EYS: variants seen among roughly 807,000 people sequenced by gnomAD.
EYS encodes the protein protein eyes shut homolog.
Under a neutral mutation model 282.1 loss-of-function variants are expected in EYS, and 250 were observed. The ratio of observed to expected loss-of-function variants is 0.89; its 90% CI spans 0.80 to 0.98. The LOEUF (loss-of-function observed/expected upper bound fraction) is 0.98. EYS is among the 50% of genes least tolerant of loss of function. The probability of loss-of-function intolerance (pLI) is 0.00; values close to 1 mark genes in which losing one functional copy is unlikely to be tolerated. For missense variants in EYS, 4,016 were observed against 3,709.0 expected, an observed-to-expected ratio of 1.08 and a Z score of -2.15; for synonymous variants, 1,355 against 1,282.9, an observed-to-expected ratio of 1.06 and a Z score of -1.20.
At chr6:64,153,992 A>T (rs1236819891) in intron 31 of EYS, among the ~76,000 whole-genome samples, 1 of 152,248 alleles carries the variant, frequency 6.6e-6, no homozygotes, top group Admixed American at 6.5e-5. Flanking sequence ...TTATCCAAAG[A>T]TACAGTATGA....
chr6:64,517,237 G>A (rs570350425), intron 26 of EYS, among the ~76,000 whole-genome samples: 1 of 151,652 alleles, frequency 6.6e-6, no homozygotes, highest in African/African-American at 2.4e-5. Context: ...CCAAAATAAG[G>A]CACCCAGATT....
intron 37 of EYS, among the ~76,000 whole-genome samples, chr6:63,796,482 G>A (rs766636332): frequency 4.5e-4 from 68 of 152,210 alleles, no homozygotes; most frequent in Non-Finnish European, 7.9e-4. Context: ...TGATCCAACA[G>A]TCTTTTAATT....
intron 42 of EYS, among the ~76,000 whole-genome samples, chr6:63,725,160 A>C (rs1349878362): frequency 2.0e-5 from 3 of 152,292 alleles, no homozygotes; most frequent in Middle Eastern, 3.4e-3. Flanking sequence ...CAAATGCAGC[A>C]TCAATCGTGT....
At chr6:64,861,130 C>G (rs1766222139) in intron 19 of EYS, among the ~76,000 whole-genome samples, 1 of 152,218 alleles carries the variant, frequency 6.6e-6, no homozygotes, top group African/African-American at 2.4e-5. Flanking sequence ...TGCCACTGTT[C>G]ATGGTGTCCA....
At chr6:65,324,726 C>G (rs1430050552) in intron 11 of EYS, among the ~76,000 whole-genome samples, 1 of 152,214 alleles carries the variant, frequency 6.6e-6, no homozygotes, top group African/African-American at 2.4e-5. Context: ...AGGACCCTGG[C>G]TCTGCTGTGT....
intron 29 of EYS, among the ~76,000 whole-genome samples, chr6:64,315,631 G>A (rs1477956296): frequency 6.9e-6 from 1 of 144,812 alleles, no homozygotes; most frequent in Non-Finnish European, 1.5e-5. Context: ...ATCAATAAGT[G>A]TAATCCACAA....
chr6:63,887,808 A>G (rs1464027004), intron 35 of EYS, among the ~76,000 whole-genome samples: 1 of 152,130 alleles, frequency 6.6e-6, no homozygotes, highest in Non-Finnish European at 1.5e-5. Context: ...GTGAGACAGA[A>G]CCATTCACTC....
chr6:64,539,447 C>T (rs571289343), intron 26 of EYS, among the ~76,000 whole-genome samples: 7 of 152,220 alleles, frequency 4.6e-5, no homozygotes, highest in Admixed American at 3.3e-4. Flanking sequence ...TGGCAGTGCA[C>T]ATCTGTAGGC....
At chr6:64,820,322 A>G (rs1040120076) in intron 21 of EYS, among the ~76,000 whole-genome samples, 3 of 152,116 alleles carry the variant, frequency 2.0e-5, no homozygotes, top group African/African-American at 7.2e-5. Flanking sequence ...ATGTATGTAT[A>G]TATGTACGCA....
intron 12 of EYS, among the ~76,000 whole-genome samples, chr6:65,115,690 C>G (rs1249310728): frequency 6.6e-6 from 1 of 151,998 alleles, no homozygotes; most frequent in African/African-American, 2.4e-5. Flanking sequence ...ATAGGTATAG[C>G]CATTAAACTC....
At chr6:65,038,783 A>C (rs1363239369) in intron 13 of EYS, among the ~76,000 whole-genome samples, 2 of 151,256 alleles carry the variant, frequency 1.3e-5, no homozygotes, top group Admixed American at 6.6e-5. Context: ...AGGAGTATTC[A>C]CTTTTGGTTA....
intron 22 of EYS, among the ~76,000 whole-genome samples, chr6:64,711,781 G>A (rs532217758): frequency 4.3e-4 from 65 of 152,210 alleles, no homozygotes; most frequent in African/African-American, 1.5e-3. Context: ...GCGCCCCTCC[G>A]AAGTCAGGTT....
At chr6:63,826,845 C>CAAAAAAAAAAAAAAAAAAAAGA (rs59957107) in intron 36 of EYS, among the ~76,000 whole-genome samples, 19 of 76,730 alleles carry the variant, frequency 2.5e-4, no homozygotes, top group East Asian at 4.1e-4. Flanking sequence ...AGTTAAAAAG[C>CAAAAAAAAAAAAAAAAAAAAGA]AAAAAAAAAA....
chr6:65,497,003 C>T (rs1766279390), intron 2 of EYS, among the ~76,000 whole-genome samples: 1 of 151,850 alleles, frequency 6.6e-6, no homozygotes, highest in Non-Finnish European at 1.5e-5. Flanking sequence ...ATTCATGTGA[C>T]AAATAACACA....
At chr6:63,903,931 A>G (rs568469465) in intron 35 of EYS, among the ~76,000 whole-genome samples, 30 of 152,372 alleles carry the variant, frequency 2.0e-4, no homozygotes, top group Admixed American at 3.9e-4. Context: ...AGGTGAAATT[A>G]TACAAACATC....
intron 13 of EYS, among the ~76,000 whole-genome samples, chr6:65,013,918 G>A (rs946001606): frequency 2.0e-5 from 3 of 152,092 alleles, no homozygotes; most frequent in South Asian, 2.1e-4. Context: ...ATGTCACTCC[G>A]TAATTGTTTA....
chr6:64,211,221 G>A (rs1765755848), intron 31 of EYS, among the ~76,000 whole-genome samples: 1 of 152,082 alleles, frequency 6.6e-6, no homozygotes, highest in African/African-American at 2.4e-5. Flanking sequence ...CCTGCCTAAT[G>A]ACATTACTCC....
At chr6:64,118,162 T>C (rs759408648) in intron 31 of EYS, among the ~76,000 whole-genome samples, 24 of 152,152 alleles carry the variant, frequency 1.6e-4, no homozygotes, top group Admixed American at 3.3e-4. Context: ...AAAATACAAA[T>C]GACATTCTTC....
intron 35 of EYS, among the ~76,000 whole-genome samples, chr6:63,892,979 A>G (rs545701335): frequency 6.6e-6 from 1 of 152,262 alleles, no homozygotes; most frequent in South Asian, 2.1e-4. Context: ...CATATGAAAA[A>G]AAGCTCATCA....
Sources: gnomAD v4.1 joint callset for allele counts (sites outside exome capture counted in the v4.1 genomes callset) on GRCh38, gnomAD v4.1.1 for gene constraint, MANE v1.5 for transcripts, NCBI Gene and HGNC (gene_info 2026-07-23, HGNC 2026-07-21) for gene names.